Variants in CD46 observed in about 807,000 individuals in gnomAD.
CD46 encodes CD46 molecule.
A neutral mutation model predicts 53.3 loss-of-function variants in CD46; 30 were observed. The observed-to-expected ratio is 0.56, with a 90% CI of 0.42 to 0.76. The LOEUF is 0.76. Among genes scored for constraint, CD46 ranks in the 30% least tolerant of loss-of-function variants. CD46 has a pLI of 0.00. For synonymous variants in CD46, 142 were observed against 152.0 expected (o/e 0.93, Z 0.48); for missense variants, 409 against 463.0 (o/e 0.88, Z 1.07).
chr1:207,768,280 ATGTT>A (rs971704512), intron 7 of CD46: 26 of 165,266 alleles, frequency 1.6e-4, no homozygotes, highest in African/African-American at 2.4e-4. Context: ...ATATGTTAAT[ATGTT>A]TGTTTGTTAA....
intron 12 of CD46, among the ~76,000 whole-genome samples, chr1:207,790,826 C>T (rs776718271): frequency 6.6e-6 from 1 of 152,136 alleles, no homozygotes; most frequent in Non-Finnish European, 1.5e-5. Flanking sequence ...TTTAGCATAT[C>T]AAAGGAAAAC....
chr1:207,766,353 A>G (rs1004232596), intron 5 of CD46, among the ~76,000 whole-genome samples: 1 of 152,178 alleles, frequency 6.6e-6, no homozygotes, highest in African/African-American at 2.4e-5. Context: ...ATTAGACACA[A>G]CAAAAGGTCA....
At chr1:207,765,646 T>A (rs959019608) in intron 5 of CD46, among the ~76,000 whole-genome samples, 5 of 152,138 alleles carry the variant, frequency 3.3e-5, no homozygotes, top group Admixed American at 6.5e-5. Context: ...GGCCGAAATG[T>A]AAACACACAC....
intron 5 of CD46, among the ~76,000 whole-genome samples, chr1:207,765,173 G>A (rs1314082013): frequency 6.6e-6 from 1 of 152,042 alleles, no homozygotes; most frequent in African/African-American, 2.4e-5. Context: ...TGCCACATCA[G>A]TAGACTATTA....
chr1:207,752,262 C>G lies in CD46; in HGVS notation c.50C>G (p.Pro17Arg). ...TGTCCCTTTCCTTCCTGGCGCTTTC[C>G]TGGGTTGCTTCTGGCGGCCATGGTG... The part of the protein sequence containing the change: ...RECPFPSWRF[P>R]GLLLAAMVLL... The change falls in exon 1 of 13, where the codon CCT becomes CGT. Residue 17 changes from proline (P) to arginine (R), a missense_variant. Coordinates refer to ENST00000367042, the MANE Select transcript of CD46 (RefSeq NM_172351.3). This position sits in a 1 kb window ranked among gnomAD's most constrained non-coding sequence, Gnocchi z 4.1. The G allele has an allele frequency of 1.9e-6, 3 of 1,614,168 alleles. No homozygotes were observed. In the South Asian group the frequency reaches 3.3e-5, roughly 18 times the overall value.
chr1:207,767,883 A>G, intron 7 of CD46, 60 bp downstream of exon 7: 1 of 1,330,674 alleles, frequency 7.5e-7, no homozygotes, highest in Non-Finnish European at 1.1e-6. Flanking sequence ...GTGATTTTTT[A>G]TAAAATCCTT....
rs1340569651 is a variant in CD46 at position 207,795,076 on chromosome 1, T to C, written c.*1599T>C. The C allele has an allele frequency of 6.6e-6, 1 of 152,128 alleles. No homozygotes were observed. The highest frequency in any genetic ancestry group is 2.4e-5 in the African/African-American group (1 of 41,422). 9.4% of individuals were successfully genotyped at this position (152,128 alleles called of 1,614,324 possible). On this transcript the variant is annotated 3_prime_UTR_variant, in exon 13 of 13. Transcript: ENST00000367042. ...CAGGAATTCTGAATTAAGCACAGAG[T>C]TGAAGTTTATACCCGTTTCACATGC...
At chr1:207,779,569 C>T (rs1190997290) in intron 8 of CD46, among the ~76,000 whole-genome samples, 3 of 152,036 alleles carry the variant, frequency 2.0e-5, no homozygotes, top group Admixed American at 1.3e-4. Flanking sequence ...GATCTTTTCC[C>T]TAATGGCTAT....
chr1:207,789,745 G>A (rs1659610783), intron 11 of CD46, among the ~76,000 whole-genome samples: 1 of 151,652 alleles, frequency 6.6e-6, no homozygotes, highest in South Asian at 2.1e-4. Flanking sequence ...AAAATTGAGG[G>A]TGTTAGGCCG....
At chr1:207,785,749 T>C (rs1354792774) in intron 11 of CD46, 67 bp downstream of exon 11, 2 of 1,032,536 alleles carry the variant, frequency 1.9e-6, no homozygotes, top group Non-Finnish European at 3.1e-6. Flanking sequence ...TTGTGCAGCT[T>C]CAGTTTGTAA....
At chr1:207,776,662 T>C (rs1658147807) in intron 8 of CD46, among the ~76,000 whole-genome samples, 1 of 152,268 alleles carries the variant, frequency 6.6e-6, no homozygotes, top group South Asian at 2.1e-4. Flanking sequence ...CGGGTCTCAC[T>C]CTGTTGCCCA....
At chr1:207,791,159 C>T (rs1033866957) in intron 12 of CD46, among the ~76,000 whole-genome samples, 2 of 152,206 alleles carry the variant, frequency 1.3e-5, no homozygotes, top group Non-Finnish European at 2.9e-5. Context: ...CGGTCTGGGC[C>T]TACCCAGTCC....
At chr1:207,754,719 G>A (rs570566933) in intron 1 of CD46, among the ~76,000 whole-genome samples, 2 of 152,214 alleles carry the variant, frequency 1.3e-5, no homozygotes, top group South Asian at 4.1e-4. Flanking sequence ...GAGCCAGAAA[G>A]GATCTGTCTC....
chr1:207,762,192 G>A (rs546681251), intron 5 of CD46, among the ~76,000 whole-genome samples: 8 of 152,308 alleles, frequency 5.3e-5, no homozygotes, highest in South Asian at 2.1e-4. Context: ...AGTCAGCAGG[G>A]AGATTAGAAA....
At chr1:207,772,802 C>T (rs1015751785) in intron 8 of CD46, among the ~76,000 whole-genome samples, 3 of 152,122 alleles carry the variant, frequency 2.0e-5, no homozygotes, top group African/African-American at 7.2e-5. Context: ...TTCAGTTTGC[C>T]AGTATTTTGT....
intron 8 of CD46, among the ~76,000 whole-genome samples, chr1:207,776,480 C>T (rs893458429): frequency 1.2e-4 from 18 of 152,230 alleles, no homozygotes; most frequent in African/African-American, 4.3e-4. Context: ...TCCTATTCAG[C>T]CATCTTGGAC....
chr1:207,778,264 T>A (rs1421170805), intron 8 of CD46, among the ~76,000 whole-genome samples: 1 of 152,236 alleles, frequency 6.6e-6, no homozygotes, highest in East Asian at 1.9e-4. Flanking sequence ...TAGCTTCTTT[T>A]GCTGTGCAGA....
intron 9 of CD46, among the ~76,000 whole-genome samples, chr1:207,784,099 GTT>G (rs1659046712): frequency 6.6e-6 from 1 of 152,134 alleles, no homozygotes; most frequent in African/African-American, 2.4e-5. Flanking sequence ...GTGCCCTGGT[GTT>G]TCATTTATTA....
intron 9 of CD46, chr1:207,783,683 T>A (rs899714583): frequency 5.9e-6 from 1 of 168,330 alleles, no homozygotes; most frequent in African/African-American, 2.4e-5. Context: ...TGAAGTGCAG[T>A]TGTGATATAG....
Sources: gnomAD v4.1 joint callset for allele counts (sites outside exome capture counted in the v4.1 genomes callset) on GRCh38, gnomAD v4.1.1 for gene constraint, Gnocchi (gnomAD v3.1) non-coding constraint, MANE v1.5 for transcripts, NCBI Gene and HGNC (gene_info 2026-07-23, HGNC 2026-07-21) for gene names.